The following AGBL4 variants were observed in gnomAD, a reference collection of about 807,000 sequenced individuals.
AGBL4 encodes the protein AGBL carboxypeptidase 4.
A neutral mutation model predicts 66.4 loss-of-function variants in AGBL4; 58 were observed. That is an observed-to-expected ratio of 0.87 (90% CI 0.71 to 1.09). The LOEUF is 1.09. Among genes scored for constraint, AGBL4 ranks in the 50% least tolerant of loss-of-function variants. The pLI is 0.00. For missense variants in AGBL4, 579 were observed against 631.0 expected, an observed-to-expected ratio of 0.92 and a Z score of 0.88; for synonymous variants, 234 against 222.9, an observed-to-expected ratio of 1.05 and a Z score of -0.44.
chr1:48,556,070 G>A (rs1459993228), intron 11 of AGBL4, among the ~76,000 whole-genome samples: 1 of 152,118 alleles, frequency 6.6e-6, no homozygotes, highest in Non-Finnish European at 1.5e-5. Context: ...GATGTGCCAA[G>A]TAGCTATTAT....
chr1:48,693,363 G>C (rs1386500684), intron 6 of AGBL4, among the ~76,000 whole-genome samples: 2 of 152,204 alleles, frequency 1.3e-5, no homozygotes, highest in Non-Finnish European at 2.9e-5. Flanking sequence ...TCTTGTCCCA[G>C]TTGCTTAACA....
chr1:49,562,689 C>A (rs1440095895), intron 3 of AGBL4, among the ~76,000 whole-genome samples: 7 of 152,008 alleles, frequency 4.6e-5, no homozygotes, highest in Non-Finnish European at 7.4e-5. Flanking sequence ...GGTACCAGTA[C>A]CATGCTGTTT....
At chr1:48,541,788 T>C (rs999191428) in intron 11 of AGBL4, among the ~76,000 whole-genome samples, 3 of 152,054 alleles carry the variant, frequency 2.0e-5, no homozygotes, top group Non-Finnish European at 2.9e-5. Context: ...AATAAAAAAA[T>C]AAAATAAATA....
intron 7 of AGBL4, among the ~76,000 whole-genome samples, chr1:48,659,647 T>G (rs1196218535): frequency 6.6e-6 from 1 of 152,114 alleles, no homozygotes; most frequent in Non-Finnish European, 1.5e-5. Flanking sequence ...ACCCTCCAGG[T>G]GAGCAGAGCT....
At chr1:48,905,038 T>G (rs1652451395) in intron 5 of AGBL4, among the ~76,000 whole-genome samples, 1 of 152,212 alleles carries the variant, frequency 6.6e-6, no homozygotes, top group South Asian at 2.1e-4. Flanking sequence ...TTAATTTAAT[T>G]AGATCCTTCA....
intron 3 of AGBL4, among the ~76,000 whole-genome samples, chr1:49,561,119 A>T (rs1478089333): frequency 6.6e-6 from 1 of 152,112 alleles, no homozygotes; most frequent in Non-Finnish European, 1.5e-5. Context: ...AGATTGAATG[A>T]TGAACCAATT....
intron 2 of AGBL4, among the ~76,000 whole-genome samples, chr1:49,789,900 T>C (rs1166639497): frequency 6.6e-6 from 1 of 152,126 alleles, no homozygotes; most frequent in African/African-American, 2.4e-5. Flanking sequence ...AGAACAAAGC[T>C]GGAGGCATCA....
intron 6 of AGBL4, among the ~76,000 whole-genome samples, chr1:48,858,755 G>A (rs143055441): frequency 4.7e-4 from 71 of 152,192 alleles, no homozygotes; most frequent in African/African-American, 1.5e-3. Flanking sequence ...CTAGGTAGTG[G>A]TAATGGTTGC....
chr1:49,369,725 A>AG (rs1393514699), intron 3 of AGBL4, among the ~76,000 whole-genome samples: 6 of 152,152 alleles, frequency 3.9e-5, no homozygotes, highest in Admixed American at 2.0e-4. Context: ...GAGGAAAAAA[A>AG]CACTGGAAAG....
intron 3 of AGBL4, among the ~76,000 whole-genome samples, chr1:49,693,938 G>T (rs1341722383): frequency 1.3e-5 from 2 of 152,060 alleles, no homozygotes; most frequent in East Asian, 3.9e-4. Flanking sequence ...AGTTTTCATT[G>T]ATTCTTGCAA....
chr1:49,845,327 A>G lies in AGBL4; in HGVS notation c.157+6069T>C, dbSNP rs1646111943. ...AGAACTCACACAGGCGAGAAACCCT[A>G]TGAGTGCAGTGTATGTGGGAAATCC... On this transcript the variant is annotated intron_variant, in intron 2 of 13. Transcript: ENST00000371839. 1.3e-5 allele frequency: 20 copies of G among 1,498,140 alleles called. No homozygotes were observed. In the South Asian group the frequency reaches 1.7e-4, roughly 13 times the overall value. 92.8% of individuals were successfully genotyped at this position (1,498,140 alleles called of 1,614,324 possible).
At chr1:49,271,364 T>C (rs1478892210) in intron 3 of AGBL4, among the ~76,000 whole-genome samples, 2 of 151,928 alleles carry the variant, frequency 1.3e-5, no homozygotes, top group South Asian at 2.1e-4. Flanking sequence ...CTAGATCTTA[T>C]GAGGTAGAAG....
At chr1:49,005,597 T>C (rs375830815) in intron 5 of AGBL4, among the ~76,000 whole-genome samples, 1 of 152,230 alleles carries the variant, frequency 6.6e-6, no homozygotes, top group African/African-American at 2.4e-5. Flanking sequence ...TATTTTACTG[T>C]TAGATATTGT....
At chr1:49,096,789 T>G (rs1307049151) in intron 4 of AGBL4, among the ~76,000 whole-genome samples, 2 of 151,470 alleles carry the variant, frequency 1.3e-5, no homozygotes, top group Admixed American at 6.6e-5. Flanking sequence ...TGTATACATA[T>G]GTAACAAACC....
chr1:48,524,263 A>G, the AGBL4 span, among the ~76,000 whole-genome samples: 2 of 152,240 alleles, frequency 1.3e-5, no homozygotes, highest in Admixed American at 1.3e-4. Flanking sequence ...TCACTTCTTC[A>G]TAACACCACA....
At chr1:49,564,797 G>A (rs1247462093) in intron 3 of AGBL4, among the ~76,000 whole-genome samples, 2 of 152,184 alleles carry the variant, frequency 1.3e-5, no homozygotes, top group Admixed American at 6.5e-5. Flanking sequence ...ATTTGGGGTG[G>A]AGAGTTCTGT....
intron 3 of AGBL4, among the ~76,000 whole-genome samples, chr1:49,482,362 T>C (rs1255329433): frequency 6.6e-6 from 1 of 151,980 alleles, no homozygotes; most frequent in Non-Finnish European, 1.5e-5. Context: ...GGTTCAGTCA[T>C]GCGAGGGTGT....
intron 9 of AGBL4, among the ~76,000 whole-genome samples, chr1:48,632,654 A>C (rs7516699): frequency 1.3e-5 from 2 of 152,144 alleles, no homozygotes. Context: ...TTTTGTATCT[A>C]TAAACCATAT....
At chr1:49,714,235 G>T (rs1647899313) in intron 2 of AGBL4, among the ~76,000 whole-genome samples, 1 of 151,920 alleles carries the variant, frequency 6.6e-6, no homozygotes, top group Non-Finnish European at 1.5e-5. Flanking sequence ...TAGGGTGCAA[G>T]AGCAGTTTTG....
Sources: allele counts gnomAD v4.1 joint callset (sites outside exome capture counted in the v4.1 genomes callset), GRCh38; gene constraint gnomAD v4.1.1; transcripts MANE v1.5; gene names NCBI Gene and HGNC (gene_info 2026-07-23, HGNC 2026-07-21).